The following ST7L variants were observed in gnomAD, a reference collection of about 807,000 sequenced individuals.
ST7L encodes the protein suppression of tumorigenicity 7 like, also known as suppressor of tumorigenicity 7 protein-like.
ST7L carries 57 observed loss-of-function variants against 72.5 expected under a neutral mutation model. That is an observed-to-expected ratio of 0.79 (90% confidence interval 0.64 to 0.98). The LOEUF (loss-of-function observed/expected upper bound fraction) is 0.98, where lower values mean the gene tolerates loss of function less well. ST7L is among the 50% of genes least tolerant of loss of function. The probability of loss-of-function intolerance (pLI) is 0.00; values close to 1 mark genes in which losing one functional copy is unlikely to be tolerated. For synonymous variants in ST7L, 221 were observed against 240.9 expected (o/e 0.92, Z 0.77); for missense variants, 576 against 672.2 (o/e 0.86, Z 1.58).
chr1:112,606,061 A>G (rs1171231847), intron 3 of ST7L, among the ~76,000 whole-genome samples: 3 of 152,202 alleles, frequency 2.0e-5, no homozygotes, highest in African/African-American at 7.2e-5. Context: ...TCAAACTGGT[A>G]GTGTGTTTGC....
intron 6 of ST7L, among the ~76,000 whole-genome samples, chr1:112,587,753 C>T (rs912974478): frequency 2.6e-5 from 4 of 152,124 alleles, no homozygotes; most frequent in East Asian, 1.9e-4. Flanking sequence ...TAGTGTGAGT[C>T]TTCTAATTTT....
chr1:112,607,184 A>T (rs936655323), intron 3 of ST7L: 1 of 152,038 alleles, frequency 6.6e-6, no homozygotes, highest in African/African-American at 2.4e-5. Flanking sequence ...CCTAGTAAGG[A>T]GAGAGTATGT....
intron 11 of ST7L, among the ~76,000 whole-genome samples, chr1:112,564,466 C>T (rs140738092): frequency 6.6e-6 from 1 of 152,124 alleles, no homozygotes; most frequent in Non-Finnish European, 1.5e-5. Context: ...ACCTGTTTCC[C>T]TTTTATCTTT....
At chr1:112,602,206 A>G (rs1352553899) in intron 3 of ST7L, among the ~76,000 whole-genome samples, 1 of 152,228 alleles carries the variant, frequency 6.6e-6, no homozygotes, top group Non-Finnish European at 1.5e-5. Context: ...TTATAAGCAG[A>G]AAAATAACAA....
intron 4 of ST7L, among the ~76,000 whole-genome samples, chr1:112,600,283 C>A (rs1667190466): frequency 6.6e-6 from 1 of 152,134 alleles, no homozygotes; most frequent in Non-Finnish European, 1.5e-5. Context: ...AGTGATCCGC[C>A]CACCTTGGCC....
At position 112,584,146 on chromosome 1, in the gene ST7L, G is replaced by C; in HGVS notation, c.702-20C>G. 1 of 1,603,010 alleles carries C rather than the reference G, an allele frequency of 6.2e-7. No homozygotes were observed. The highest frequency in any genetic ancestry group is 1.7e-5 in the Admixed American group (1 of 58,098). On this transcript the variant is annotated intron_variant, in intron 6 of 14. Transcript: ENST00000358039. ...GCACAGCTATGAAGAAAGCAAGAAG[G>C]CAATTTTAAATAAAATGGTAAAGCA...
In ST7L at chr1:112,619,091, C is replaced by G; in HGVS notation, c.23G>C (p.Gly8Ala). 6.2e-7 allele frequency: 1 copy of G among 1,613,340 alleles called. No individual in the cohort carries two copies. Among genetic ancestry groups the G allele is most frequent in the Non-Finnish European group, 8.5e-7 (1 of 1,179,876 alleles). ...AGACGCTCCAACAGCTGCGGCTTCA[C>G]CCACGCCGCCACGGTCCGCCATCTT... MADRGGV[G>A]EAAAVGASPA... The change falls in exon 1 of 15, where the codon GGT becomes GCT. Residue 8 changes from glycine (G) to alanine (A), a missense_variant. Physicochemically the swap from Gly to Ala is moderately conservative, Grantham distance 60. Coordinates refer to ENST00000358039, the MANE Select transcript of ST7L (RefSeq NM_017744.5).
At chr1:112,594,363 T>C (rs1466745807) in intron 5 of ST7L, among the ~76,000 whole-genome samples, 1 of 152,214 alleles carries the variant, frequency 6.6e-6, no homozygotes, top group Non-Finnish European at 1.5e-5. Context: ...ATAATAGTAT[T>C]GCTGCCTTTT....
chr1:112,594,347 C>T (rs181249141), intron 5 of ST7L, among the ~76,000 whole-genome samples: 106 of 152,214 alleles, frequency 7.0e-4, no homozygotes, highest in Non-Finnish European at 1.3e-3. Context: ...TTAATCAAGA[C>T]ATCCTATAAT....
chr1:112,593,260 TA>T (rs755290765), intron 5 of ST7L, among the ~76,000 whole-genome samples: 2 of 152,074 alleles, frequency 1.3e-5, no homozygotes, highest in Non-Finnish European at 2.9e-5. Flanking sequence ...AAAGGAGAAA[TA>T]AAGTTGATGG....
chr1:112,573,697 A>G (rs896179113), intron 11 of ST7L, among the ~76,000 whole-genome samples: 2 of 151,928 alleles, frequency 1.3e-5, no homozygotes, highest in African/African-American at 2.4e-5. Flanking sequence ...AAATTATTCC[A>G]CAGAATAAAT....
intron 11 of ST7L, among the ~76,000 whole-genome samples, chr1:112,568,330 A>ATTTTTTTTTTT (rs776031521): frequency 8.6e-6 from 1 of 116,812 alleles, no homozygotes; most frequent in Non-Finnish European, 1.7e-5. Flanking sequence ...CTGTAATAAT[A>ATTTTTTTTTTT]TTTTTTTTTT....
intron 11 of ST7L, among the ~76,000 whole-genome samples, chr1:112,556,966 CAAAA>C (rs60106072): frequency 0.04 from 1,978 of 49,660 alleles, 110 homozygotes; most frequent in African/African-American, 0.13. Flanking sequence ...GACTCTGTCT[CAAAA>C]AAAAAAAAAA....
intron 9 of ST7L, among the ~76,000 whole-genome samples, chr1:112,579,992 C>A (rs1663827611): frequency 6.6e-6 from 1 of 152,164 alleles, no homozygotes; most frequent in Admixed American, 6.5e-5. Flanking sequence ...TCTCCATGAG[C>A]CTACACTATT....
At position 112,616,865 on chromosome 1, in the gene ST7L, T is replaced by C. The variant is rs755327697; in HGVS notation, c.236A>G (p.Lys79Arg). 2.6e-5 allele frequency: 41 copies of C among 1,606,244 alleles called. No individual in the cohort carries two copies. In the East Asian group the frequency reaches 8.5e-4, roughly 33 times the overall value. Residue 79 changes from lysine (K) to arginine (R), a missense_variant, in exon 2 of 15, where the codon AAA becomes AGA. Coordinates refer to ENST00000358039, the MANE Select transcript of ST7L (RefSeq NM_017744.5). ...VTVFLNSLTP[K>R]FYVALTGTSS... ...GGTCCCTGTAAGTGCCACATAGAAT[T>C]TGGGTGTCAATGAATTTAAAAATAC...
At position 112,597,579 on chromosome 1, in the gene ST7L, C is replaced by A. The variant is rs116299408; in HGVS notation, c.622+392G>T. On this transcript the variant is annotated intron_variant, in intron 5 of 14. Transcript: ENST00000358039. ...CCACTTTATATGTATCTCTAACTCA[C>A]GACTAAAACAAAATAGACTCCAGTT... 2.0e-5 allele frequency among the ~76,000 whole-genome samples: 3 copies of A among 152,174 alleles called. No homozygotes were observed. The East Asian group carries it at 5.8e-4, about 29-fold the overall frequency.
At chr1:112,556,870 A>C (rs916421587) in intron 11 of ST7L, among the ~76,000 whole-genome samples, 1 of 148,330 alleles carries the variant, frequency 6.7e-6, no homozygotes, top group African/African-American at 2.5e-5. Context: ...CAAGAGGCTG[A>C]GGCAGGAAAA....
At chr1:112,541,712 TATA>T (rs944094091) in intron 14 of ST7L, 4 of 1,053,482 alleles carry the variant, frequency 3.8e-6, no homozygotes, top group Non-Finnish European at 4.8e-6. Context: ...GAGCAAACTT[TATA>T]ATGTTATATT....
At chr1:112,613,890 G>A (rs1370040670) in intron 2 of ST7L, among the ~76,000 whole-genome samples, 1 of 151,970 alleles carries the variant, frequency 6.6e-6, no homozygotes, top group Non-Finnish European at 1.5e-5. Context: ...ACCACAACGC[G>A]CTAAATTTTT....
Sources: gnomAD v4.1 joint callset for allele counts (sites outside exome capture counted in the v4.1 genomes callset) on GRCh38, gnomAD v4.1.1 for gene constraint, MANE v1.5 for transcripts, NCBI Gene and HGNC (gene_info 2026-07-23, HGNC 2026-07-21) for gene names.